HIPK2: variants seen among roughly 807,000 people sequenced by gnomAD.
HIPK2 encodes homeodomain-interacting protein kinase 2.
HIPK2 carries 27 observed loss-of-function variants against 113.7 expected under a neutral mutation model. The observed-to-expected ratio is 0.24, with a 90% CI of 0.17 to 0.33. HIPK2 has a LOEUF of 0.33. Ranked by LOEUF, HIPK2 falls within the 10% of genes least tolerant of loss-of-function variation. HIPK2 has a pLI of 1.00. For synonymous variants in HIPK2, 631 were observed against 642.2 expected (o/e 0.98, Z 0.26); for missense variants, 1,257 against 1,588.0 (o/e 0.79, Z 3.54).
In HIPK2 at chr7:139,614,342, C is replaced by T. The variant is rs758491660; in HGVS notation, c.1934G>A (p.Cys645Tyr). 6.3e-6 allele frequency: 10 copies of T among 1,575,436 alleles called. No individual in the cohort carries two copies. Among genetic ancestry groups the T allele is most frequent in the Non-Finnish European group, 8.7e-6 (10 of 1,155,138 alleles). ...MPLQTGTAQI[C>Y]ARPDPFQQAL... ...TTGCTGGAACGGGTCAGGCCGGGCA[C>T]AAATCTGGGCTGTTCCTGTCTGCAG... Residue 645 changes from cysteine to tyrosine, a missense_variant, in exon 8 of 15, where the codon TGT becomes TAT. Physicochemically the swap from Cys to Tyr is radical, Grantham distance 194. Transcript: ENST00000406875.
chr7:139,703,455 C>T (rs892019961), intron 2 of HIPK2, among the ~76,000 whole-genome samples: 1 of 152,060 alleles, frequency 6.6e-6, no homozygotes, highest in Admixed American at 6.5e-5. Context: ...AGAAATCCTT[C>T]ATGGAGGTCA....
chr7:139,584,407 AC>A (rs1039671999), intron 12 of HIPK2, among the ~76,000 whole-genome samples: 2 of 152,046 alleles, frequency 1.3e-5, no homozygotes, highest in East Asian at 3.9e-4. Context: ...GCTGGGTACA[AC>A]CCCCGTGGGC....
intron 13 of HIPK2, among the ~76,000 whole-genome samples, chr7:139,575,543 G>GA (rs556618391): frequency 6.5e-4 from 99 of 152,356 alleles, no homozygotes; most frequent in African/African-American, 2.3e-3. Flanking sequence ...AAGCGGAAAA[G>GA]AATCAGGAGA....
In HIPK2 at chr7:139,572,917, C is replaced by G. The variant is rs370405485; in HGVS notation, c.*10G>C. ...TCTCCCTCCCTCCCTCCCTCCCTCC[C>G]CTCCAGTGTTTATATGTAAGGGTAC... On this transcript the variant is annotated 3_prime_UTR_variant, in exon 15 of 15. Transcript: ENST00000406875. 1.3e-3 allele frequency: 1,738 copies of G among 1,324,180 alleles called. 1 individual carries two copies. Among genetic ancestry groups the G allele is most frequent in the Non-Finnish European group, 1.6e-3 (1,518 of 960,674 alleles). The allele number at this position is 1,324,180 out of a possible 1,614,324, so 82.0% of individuals were successfully genotyped here. A position where few individuals can be genotyped will look rare whatever the true frequency, so the allele number is the denominator to read the frequency against.
Position 139,597,138 on chromosome 7 carries a change from G to C in HIPK2, c.2436-140C>G, listed in dbSNP as rs997410808. ...GTGGCTGCCCAATGAGCCTCCATCT[G>C]TGACTGGGAAAGGGATCATTCAGTG... On this transcript the variant is annotated intron_variant, in intron 11 of 14. Transcript: ENST00000406875. The C allele has an allele frequency of 5.0e-5, 44 of 874,872 alleles. 1 individual carries two copies. Among genetic ancestry groups the C allele is most frequent in the Admixed American group, 1.7e-4 (6 of 35,734 alleles). The allele number at this position is 874,872 out of a possible 1,614,324, so 54.2% of individuals were successfully genotyped here.
chr7:139,594,242 G>A (rs1366062731), intron 12 of HIPK2, among the ~76,000 whole-genome samples: 1 of 151,996 alleles, frequency 6.6e-6, no homozygotes, highest in African/African-American at 2.4e-5. Context: ...CATTTTTATG[G>A]GACTGACACT....
intron 2 of HIPK2, among the ~76,000 whole-genome samples, chr7:139,695,750 A>C (rs1012830090): frequency 6.6e-6 from 1 of 152,260 alleles, no homozygotes; most frequent in Non-Finnish European, 1.5e-5. Flanking sequence ...TGGACAAATT[A>C]CCGAAAACTA....
intron 2 of HIPK2, among the ~76,000 whole-genome samples, chr7:139,687,880 G>C (rs1203443193): frequency 6.6e-6 from 1 of 152,182 alleles, no homozygotes; most frequent in African/African-American, 2.4e-5. Context: ...ATTGGGAGAA[G>C]GATCCAGAGA....
intron 2 of HIPK2, among the ~76,000 whole-genome samples, chr7:139,687,781 C>G (rs1449066625): frequency 2.0e-5 from 3 of 152,178 alleles, no homozygotes; most frequent in Admixed American, 2.0e-4. Context: ...TCTTCCTGTC[C>G]CAGGCTAAAC....
rs1798060272 is a variant in HIPK2, at chr7:139,565,359, A to G, written c.*7568T>C. 1 of 152,206 alleles carries G rather than the reference A, an allele frequency of 6.6e-6. No homozygotes were observed. The highest frequency in any genetic ancestry group is 2.4e-5 in the African/African-American group (1 of 41,448). The allele number at this position is 152,206 out of a possible 1,614,324, so 9.4% of individuals were successfully genotyped here. ...GTAAACTACCTAAGAATTTAGGCAA[A>G]CAAGCCTGGAGCCAGTCAACAAAGA... On this transcript the variant is annotated 3_prime_UTR_variant, in exon 15 of 15. Transcript: ENST00000406875.
At chr7:139,646,094 C>A (rs1405313824) in intron 2 of HIPK2, among the ~76,000 whole-genome samples, 1 of 152,200 alleles carries the variant, frequency 6.6e-6, no homozygotes, top group African/African-American at 2.4e-5. Flanking sequence ...GCTCTTTACA[C>A]CTCCCACTAG....
intron 2 of HIPK2, among the ~76,000 whole-genome samples, chr7:139,642,925 C>T (rs1309788808): frequency 2.0e-5 from 3 of 152,084 alleles, no homozygotes; most frequent in Non-Finnish European, 2.9e-5. Flanking sequence ...TGGAGAGCTG[C>T]TGCAAGGGAA....
Position 139,777,651 on chromosome 7 carries a change from C to A in HIPK2, c.-28G>T. On this transcript the variant is annotated 5_prime_UTR_variant, in exon 1 of 15. Transcript: ENST00000406875. ...GGGCCGGGGTGTCCGCGGTTCATGG[C>A]AACGGGGACGGGAAAGCGGCGCGCG... 1 of 1,094,998 alleles carries A rather than the reference C, an allele frequency of 9.1e-7. No individual in the cohort carries two copies. The highest frequency in any genetic ancestry group is 5.3e-5 in the Admixed American group (1 of 18,998). The allele number at this position is 1,094,998 out of a possible 1,614,324, so 67.8% of individuals were successfully genotyped here.
chr7:139,596,417 G>A (rs1799215551), intron 12 of HIPK2, among the ~76,000 whole-genome samples: 1 of 152,198 alleles, frequency 6.6e-6, no homozygotes, highest in African/African-American at 2.4e-5. Flanking sequence ...AACTTACAGA[G>A]GATGAAATAC....
chr7:139,629,234 G>A (rs1331966990), intron 4 of HIPK2, among the ~76,000 whole-genome samples, 195 bp from the exon 5 acceptor site: 1 of 152,040 alleles, frequency 6.6e-6, no homozygotes, highest in East Asian at 1.9e-4. Flanking sequence ...TCCTTCCTAT[G>A]CACACGTGTC....
intron 2 of HIPK2, among the ~76,000 whole-genome samples, chr7:139,638,112 C>A (rs945160613): frequency 1.3e-5 from 2 of 152,132 alleles, no homozygotes; most frequent in Non-Finnish European, 2.9e-5. Context: ...CCCTCTAGAG[C>A]CTCCACCTTA....
Position 139,662,191 on chromosome 7 carries a change from T to G in HIPK2, c.1104-30466A>C, listed in dbSNP as rs1801889401. Among the ~76,000 whole-genome samples, 2 of 152,224 alleles carry G rather than the reference T, an allele frequency of 1.3e-5. 1 individual carries two copies. The highest frequency in any genetic ancestry group is 2.9e-5 in the Non-Finnish European group (2 of 68,050). The stretch of plus-strand genomic sequence containing the variant: ...TTTAATCCATGCTCTTTGAGTATAG[T>G]CCTTAGCTAACATCCAGCCAGCGGC... On this transcript the variant is annotated intron_variant, in intron 2 of 14. Coordinates refer to ENST00000406875, the MANE Select transcript of HIPK2 (RefSeq NM_022740.5).
At chr7:139,648,008 T>C (rs1384637116) in intron 2 of HIPK2, among the ~76,000 whole-genome samples, 1 of 152,180 alleles carries the variant, frequency 6.6e-6, no homozygotes, top group Non-Finnish European at 1.5e-5. Context: ...ACAGAACCTA[T>C]ATTTGCTTCC....
chr7:139,639,709 G>A (rs1800939527), intron 2 of HIPK2, among the ~76,000 whole-genome samples: 2 of 152,176 alleles, frequency 1.3e-5, no homozygotes, highest in African/African-American at 4.8e-5. Flanking sequence ...TGTCACTGCT[G>A]TATCTCCAGC....
Sources: allele counts gnomAD v4.1 joint callset (sites outside exome capture counted in the v4.1 genomes callset), GRCh38; gene constraint gnomAD v4.1.1; transcripts MANE v1.5; gene names NCBI Gene and HGNC (gene_info 2026-07-23, HGNC 2026-07-21).